The following KMT5B variants were observed in gnomAD, a reference collection of about 807,000 sequenced individuals.
KMT5B encodes the protein histone-lysine N-methyltransferase KMT5B.
In KMT5B, 10 loss-of-function variants were observed where a neutral mutation model predicts 83.2. That is an observed-to-expected ratio of 0.12 (90% CI 0.07 to 0.20). The LOEUF (loss-of-function observed/expected upper bound fraction) is 0.20, where lower values mean the gene tolerates loss of function less well. Ranked by LOEUF, KMT5B falls within the 10% of genes least tolerant of loss-of-function variation. The pLI is 1.00. For synonymous variants in KMT5B, 349 were observed against 388.8 expected (o/e 0.90, Z 1.20); for missense variants, 753 against 1,067.2 (o/e 0.71, Z 4.10).
intron 9 of KMT5B, 55 bp from the exon 10 acceptor site, chr11:68,167,233 G>C: frequency 6.5e-7 from 1 of 1,539,090 alleles, no homozygotes; most frequent in South Asian, 1.2e-5. Context: ...CTTATAATAA[G>C]CTTAACTGCT....
intron 1 of KMT5B, among the ~76,000 whole-genome samples, chr11:68,209,042 C>G (rs983414143): frequency 6.6e-6 from 1 of 152,132 alleles, no homozygotes; most frequent in African/African-American, 2.4e-5. Flanking sequence ...GATCAAGCCC[C>G]CTTTTACTTC....
chr11:68,204,965 C>A (rs1214280277), intron 1 of KMT5B, among the ~76,000 whole-genome samples: 1 of 152,002 alleles, frequency 6.6e-6, no homozygotes, highest in East Asian at 1.9e-4. Context: ...GTTACAGTGA[C>A]CACATAACAG....
At chr11:68,206,291 A>C (rs887771525) in intron 1 of KMT5B, among the ~76,000 whole-genome samples, 2 of 152,196 alleles carry the variant, frequency 1.3e-5, no homozygotes, top group African/African-American at 4.8e-5. Context: ...ACAGCCATTC[A>C]CGGTTCTAGA....
At chr11:68,183,504 C>T (rs1392132287) in intron 3 of KMT5B, among the ~76,000 whole-genome samples, 1 of 150,982 alleles carries the variant, frequency 6.6e-6, no homozygotes, top group Non-Finnish European at 1.5e-5. Context: ...ACTACAGGCG[C>T]ATGTGGCCAG....
intron 1 of KMT5B, among the ~76,000 whole-genome samples, chr11:68,196,029 C>T (rs1046108109): frequency 6.6e-6 from 1 of 151,990 alleles, no homozygotes; most frequent in Non-Finnish European, 1.5e-5. Flanking sequence ...TGGTGGTATG[C>T]GCCTGTAATC....
chr11:68,201,171 C>T (rs967835671), intron 1 of KMT5B, among the ~76,000 whole-genome samples: 1 of 152,146 alleles, frequency 6.6e-6, no homozygotes, highest in African/African-American at 2.4e-5. Context: ...AGGTGAGAAG[C>T]GCGACACCCA....
intron 1 of KMT5B, among the ~76,000 whole-genome samples, chr11:68,211,145 T>A (rs1860840682): frequency 6.6e-6 from 1 of 151,608 alleles, no homozygotes; most frequent in South Asian, 2.1e-4. Flanking sequence ...AAGAGAAAAA[T>A]CACCAACATC....
intron 2 of KMT5B, among the ~76,000 whole-genome samples, chr11:68,187,871 T>C (rs1310160242): frequency 6.6e-6 from 1 of 152,166 alleles, no homozygotes; most frequent in East Asian, 1.9e-4. Flanking sequence ...TGCTCTCCCA[T>C]TTCTCATTGC....
At chr11:68,210,519 T>C (rs1162019759) in intron 1 of KMT5B, among the ~76,000 whole-genome samples, 1 of 152,174 alleles carries the variant, frequency 6.6e-6, no homozygotes, top group Non-Finnish European at 1.5e-5. Flanking sequence ...CAATGACTTA[T>C]ACAAACAGTG....
chr11:68,209,411 AG>A (rs1178692396), intron 1 of KMT5B, among the ~76,000 whole-genome samples: 2 of 152,166 alleles, frequency 1.3e-5, no homozygotes, highest in Non-Finnish European at 2.9e-5. Context: ...CAGATGCATA[AG>A]GGGAAAAAAA....
chr11:68,182,552 G>A (rs907779958), intron 3 of KMT5B, among the ~76,000 whole-genome samples: 5 of 151,218 alleles, frequency 3.3e-5, no homozygotes, highest in African/African-American at 1.2e-4. Flanking sequence ...TCGAGCTCCT[G>A]GGCTCCAGTG....
intron 9 of KMT5B, 98 bp from the exon 10 acceptor site, chr11:68,167,276 T>C (rs1362298015): frequency 4.9e-6 from 7 of 1,437,662 alleles, no homozygotes; most frequent in Middle Eastern, 1.9e-4. Flanking sequence ...ACAGATGTGA[T>C]GAGCTGCTGA....
chr11:68,198,815 C>T (rs1340048029), intron 1 of KMT5B, among the ~76,000 whole-genome samples: 1 of 152,170 alleles, frequency 6.6e-6, no homozygotes, highest in Non-Finnish European at 1.5e-5. Context: ...CTGCAACCTC[C>T]GCTTCCCGGG....
In KMT5B at chr11:68,162,017, G is replaced by C. The variant is rs554772366; in HGVS notation, c.1175-2846C>G. On this transcript the variant is annotated intron_variant, in intron 10 of 10. Transcript: ENST00000304363. ...CAATATCACCACCACATGCCCAGCT[G>C]CCAAAGCAGAAAGCTGGAGGTCCTC... Among the ~76,000 whole-genome samples, 6 of 152,240 alleles carry C rather than the reference G, an allele frequency of 3.9e-5. No individual in the cohort carries two copies. In the South Asian group the frequency reaches 1.0e-3, roughly 26 times the overall value.
intron 6 of KMT5B, among the ~76,000 whole-genome samples, chr11:68,172,436 C>T (rs1855927379): frequency 6.6e-6 from 1 of 151,606 alleles, no homozygotes; most frequent in Non-Finnish European, 1.5e-5. Flanking sequence ...GGAGTTTCAC[C>T]GTGTTGGCCA....
intron 2 of KMT5B, among the ~76,000 whole-genome samples, chr11:68,186,215 C>T (rs779453551): frequency 6.6e-5 from 10 of 152,154 alleles, no homozygotes. Flanking sequence ...TCCCCCACCC[C>T]CTTCTCTCCA....
chr11:68,209,882 T>TA (rs1285103068), intron 1 of KMT5B, among the ~76,000 whole-genome samples: 18 of 148,154 alleles, frequency 1.2e-4, no homozygotes, highest in African/African-American at 4.0e-4. Context: ...TTTTTTTTTT[T>TA]AAGAGACGGA....
chr11:68,168,834 C>A (rs1467762439), intron 9 of KMT5B, among the ~76,000 whole-genome samples: 1 of 152,188 alleles, frequency 6.6e-6, no homozygotes, highest in African/African-American at 2.4e-5. Context: ...TGGCTCTCAG[C>A]ACAGTGTGTG....
At chr11:68,188,152 G>A (rs1857632161) in intron 2 of KMT5B, among the ~76,000 whole-genome samples, 1 of 150,204 alleles carries the variant, frequency 6.7e-6, no homozygotes. Flanking sequence ...AGCCTCACGA[G>A]TAGTTGGGAC....
Sources: gnomAD v4.1 joint callset for allele counts (sites outside exome capture counted in the v4.1 genomes callset) on GRCh38, gnomAD v4.1.1 for gene constraint, MANE v1.5 for transcripts, NCBI Gene and HGNC (gene_info 2026-07-23, HGNC 2026-07-21) for gene names.